The following SPRED1 variants were observed in gnomAD, a reference collection of about 807,000 sequenced individuals.
SPRED1 encodes the protein sprouty-related, EVH1 domain-containing protein 1.
Under a neutral mutation model 52.3 loss-of-function variants are expected in SPRED1, and 18 were observed. The observed-to-expected ratio is 0.34, with a 90% CI of 0.24 to 0.51. The LOEUF (loss-of-function observed/expected upper bound fraction) is 0.51. Among genes scored for constraint, SPRED1 ranks in the 20% least tolerant of loss-of-function variants. The pLI, the probability that SPRED1 is intolerant of heterozygous loss-of-function variation, is 0.97. For synonymous variants in SPRED1, 155 were observed against 179.7 expected, an observed-to-expected ratio of 0.86 and a Z score of 1.10; for missense variants, 485 against 551.0, an observed-to-expected ratio of 0.88 and a Z score of 1.20.
chr15:38,299,637 C>T, intron 2 of SPRED1, 90 bp downstream of exon 2: 1 of 1,273,396 alleles, frequency 7.9e-7, no homozygotes, highest in Non-Finnish European at 1.1e-6. Flanking sequence ...GTTTTTTTCA[C>T]CTGTGAATCA....
chr15:38,351,942 AAAAG>A lies in SPRED1; in HGVS notation c.*279_*282del. The A allele has an allele frequency of 2.0e-6, 1 of 497,062 alleles. No homozygotes were observed. The highest frequency in any genetic ancestry group is 1.9e-5 in the African/African-American group (1 of 51,860). 30.8% of individuals were successfully genotyped at this position (497,062 alleles called of 1,614,324 possible). On this transcript the variant is annotated 3_prime_UTR_variant, in exon 7 of 7. Transcript: ENST00000299084. ...AGTCAGCATAAAATATGATCCAACT[AAAAG>A]GGATTAATTTTTGGCATTTTTGTAT...
intron 1 of SPRED1, among the ~76,000 whole-genome samples, chr15:38,275,813 C>A (rs1894540276): frequency 6.6e-6 from 1 of 152,190 alleles, no homozygotes; most frequent in Non-Finnish European, 1.5e-5. Flanking sequence ...GTGTTATTAA[C>A]CCTCTTTACA....
chr15:38,289,969 G>C (rs1484112917), intron 1 of SPRED1, among the ~76,000 whole-genome samples: 1 of 152,058 alleles, frequency 6.6e-6, no homozygotes, highest in Non-Finnish European at 1.5e-5. Flanking sequence ...TTCCCAATTT[G>C]TTATCTTTGT....
chr15:38,346,820 G>A (rs1374560518), intron 5 of SPRED1, among the ~76,000 whole-genome samples: 1 of 152,144 alleles, frequency 6.6e-6, no homozygotes, highest in East Asian at 1.9e-4. Flanking sequence ...TTGGACTTTA[G>A]GATTGATGTG....
Position 38,253,023 on chromosome 15 carries a change from T to TG in SPRED1, c.-156dup, listed in dbSNP as rs531519324. On this transcript the variant is annotated 5_prime_UTR_variant, in exon 1 of 7. Coordinates refer to ENST00000299084, the MANE Select transcript of SPRED1 (RefSeq NM_152594.3). ...TGCGGGGGTGGCCGGGGTTCCCGGC[T>TG]GGGGGGGTACCGTTCTGGGTGAGGC... 29 of 671,614 alleles carry TG rather than the reference T, an allele frequency of 4.3e-5. No homozygotes were observed. Among genetic ancestry groups the TG allele is most frequent in the African/African-American group, 7.1e-5 (4 of 55,966 alleles). The allele number at this position is 671,614 out of a possible 1,614,324, so 41.6% of individuals were successfully genotyped here. A position where few individuals can be genotyped will look rare whatever the true frequency, so the allele number is the denominator to read the frequency against.
intron 1 of SPRED1, among the ~76,000 whole-genome samples, chr15:38,297,066 A>G (rs1328790381): frequency 2.0e-5 from 3 of 152,092 alleles, no homozygotes; most frequent in African/African-American, 7.2e-5. Flanking sequence ...CAATGAACCT[A>G]CTGGTGCCTT....
intron 2 of SPRED1, among the ~76,000 whole-genome samples, chr15:38,306,613 A>G (rs1267194670): frequency 6.6e-6 from 1 of 152,184 alleles, no homozygotes; most frequent in Non-Finnish European, 1.5e-5. Context: ...GTTTTGCAAC[A>G]GTTAATTATT....
chr15:38,305,429 A>G (rs746440707), intron 2 of SPRED1, among the ~76,000 whole-genome samples: 3 of 150,472 alleles, frequency 2.0e-5, no homozygotes, highest in African/African-American at 4.9e-5. Flanking sequence ...ACTGTGTGCT[A>G]AGCACTGTTG....
chr15:38,350,995 T>C lies in SPRED1; in HGVS notation c.685-19T>C, dbSNP rs774196007. Reference sequence around the variant, plus strand: ...ACCATCATAGCCCTCATTGCAGTTTTTATCTGTTTCTTTTTTAGGTCCCTT... The same window carrying C: ...ACCATCATAGCCCTCATTGCAGTTTCTATCTGTTTCTTTTTTAGGTCCCTT... On this transcript the variant is annotated intron_variant, in intron 6 of 6. Coordinates refer to ENST00000299084, the MANE Select transcript of SPRED1 (RefSeq NM_152594.3). The C allele has an allele frequency of 4.4e-6, 7 of 1,608,188 alleles. No homozygotes were observed.
At chr15:38,273,857 T>C (rs966679500) in intron 1 of SPRED1, among the ~76,000 whole-genome samples, 37 of 152,166 alleles carry the variant, frequency 2.4e-4, no homozygotes, top group Admixed American at 6.5e-4. Flanking sequence ...TAAGTTGTCA[T>C]GAACCTACTG....
chr15:38,276,215 T>G (rs1201453895), intron 1 of SPRED1, among the ~76,000 whole-genome samples: 1 of 151,776 alleles, frequency 6.6e-6, no homozygotes, highest in African/African-American at 2.4e-5. Flanking sequence ...TGAATGTTTT[T>G]TTTTTTTTTT....
At chr15:38,270,701 G>A (rs1377271745) in intron 1 of SPRED1, among the ~76,000 whole-genome samples, 1 of 152,092 alleles carries the variant, frequency 6.6e-6, no homozygotes, top group East Asian at 1.9e-4. Context: ...TTACATACTC[G>A]ACCTGAGATT....
intron 1 of SPRED1, among the ~76,000 whole-genome samples, chr15:38,254,781 G>C (rs7175472): frequency 0.87 from 133,108 of 152,274 alleles, 58,267 homozygotes; most frequent in Non-Finnish European, 0.9. Context: ...TGTCCATTCA[G>C]AGTGCAGTAC....
At chr15:38,326,471 T>G (rs1233892701) in intron 4 of SPRED1, 2 of 152,236 alleles carry the variant, frequency 1.3e-5, no homozygotes, top group Admixed American at 6.5e-5. Context: ...ATCCAGGGCC[T>G]TCTTAGAAAA....
intron 1 of SPRED1, among the ~76,000 whole-genome samples, chr15:38,272,087 C>T (rs963523079): frequency 1.3e-5 from 2 of 149,732 alleles, no homozygotes; most frequent in Non-Finnish European, 2.9e-5. Flanking sequence ...TGATTTTGTT[C>T]TTCTTTGTGG....
Position 38,268,389 on chromosome 15 carries a change from A to G in SPRED1, c.32+15172A>G, listed in dbSNP as rs368508306. On this transcript the variant is annotated intron_variant, in intron 1 of 6. Coordinates refer to ENST00000299084, the MANE Select transcript of SPRED1 (RefSeq NM_152594.3). ...GTAGTTTAGAACAGGGAATTTTTCAATGGCAATGGGTCTCCATCAGCATTA... is the reference window on the plus strand; with the variant it reads ...GTAGTTTAGAACAGGGAATTTTTCAGTGGCAATGGGTCTCCATCAGCATTA... 2.4e-4 allele frequency among the ~76,000 whole-genome samples: 37 copies of G among 152,388 alleles called. No homozygotes were observed. The East Asian group carries it at 3.7e-3, about 15-fold the overall frequency.
chr15:38,268,861 TACA>T (rs1894366793), intron 1 of SPRED1, among the ~76,000 whole-genome samples: 2 of 152,176 alleles, frequency 1.3e-5, no homozygotes, highest in South Asian at 2.1e-4. Context: ...TCTACCTCAG[TACA>T]TTTTCAGTCT....
intron 1 of SPRED1, among the ~76,000 whole-genome samples, chr15:38,257,180 T>C (rs1029135420): frequency 6.6e-6 from 1 of 152,220 alleles, no homozygotes; most frequent in African/African-American, 2.4e-5. Context: ...CTATGTTGCC[T>C]CTGTACTTCG....
At chr15:38,327,319 A>G (rs920799692) in intron 4 of SPRED1, among the ~76,000 whole-genome samples, 22 of 152,180 alleles carry the variant, frequency 1.4e-4, no homozygotes, top group Non-Finnish European at 2.4e-4. Flanking sequence ...TGGTCGTTTT[A>G]AAATACGGAA....
Sources: allele counts gnomAD v4.1 joint callset (sites outside exome capture counted in the v4.1 genomes callset), GRCh38; gene constraint gnomAD v4.1.1; transcripts MANE v1.5; gene names NCBI Gene and HGNC (gene_info 2026-07-23, HGNC 2026-07-21).